DLG1: variants seen among roughly 807,000 people sequenced by gnomAD.
DLG1 encodes the protein disks large homolog 1.
Under a neutral mutation model 123.4 loss-of-function variants are expected in DLG1, and 42 were observed. The observed-to-expected ratio is 0.34, with a 90% CI of 0.27 to 0.44. DLG1 has a LOEUF of 0.44. DLG1 is among the 20% of genes least tolerant of loss of function. The probability of loss-of-function intolerance (pLI) is 1.00; values close to 1 mark genes in which losing one functional copy is unlikely to be tolerated. For missense variants in DLG1, 942 were observed against 1,082.6 expected (o/e 0.87, Z 1.82); for synonymous variants, 317 against 356.2 (o/e 0.89, Z 1.24).
intron 5 of DLG1, among the ~76,000 whole-genome samples, chr3:197,159,876 C>A (rs1489491548): frequency 6.6e-6 from 1 of 152,010 alleles, no homozygotes; most frequent in Non-Finnish European, 1.5e-5. Context: ...TTTAAAAAAA[C>A]AAAACAAAAC....
intron 4 of DLG1, among the ~76,000 whole-genome samples, chr3:197,278,306 A>AG (rs1256502136): frequency 4.0e-4 from 60 of 149,520 alleles, no homozygotes; most frequent in African/African-American, 1.5e-3. Flanking sequence ...AAAAAAAAAA[A>AG]AAAAAGAAAT....
chr3:197,158,134 C>T (rs558383484), intron 5 of DLG1, among the ~76,000 whole-genome samples: 25 of 152,216 alleles, frequency 1.6e-4, no homozygotes, highest in Admixed American at 1.3e-3. Flanking sequence ...GGAACTCATA[C>T]AGACATTTTC....
intron 5 of DLG1, among the ~76,000 whole-genome samples, chr3:197,154,319 C>CA (rs1387244705): frequency 2.0e-5 from 3 of 150,836 alleles, no homozygotes; most frequent in Non-Finnish European, 3.0e-5. Flanking sequence ...AAAACAAAAC[C>CA]AAAAAACCAA....
chr3:197,233,988 C>A (rs1744639404), intron 4 of DLG1, among the ~76,000 whole-genome samples: 1 of 152,188 alleles, frequency 6.6e-6, no homozygotes, highest in South Asian at 2.1e-4. Context: ...CATAAAACTT[C>A]TTTGAAACAG....
At chr3:197,149,090 G>A (rs987345354) in intron 6 of DLG1, among the ~76,000 whole-genome samples, 4 of 152,016 alleles carry the variant, frequency 2.6e-5, no homozygotes, top group South Asian at 2.1e-4. Flanking sequence ...CCTTTTTAAA[G>A]TATGCAATTC....
intron 23 of DLG1, among the ~76,000 whole-genome samples, chr3:197,054,985 T>G (rs1730656842): frequency 6.6e-6 from 1 of 152,052 alleles, no homozygotes; most frequent in Non-Finnish European, 1.5e-5. Flanking sequence ...CCAGCTAATT[T>G]TGTATTTTTA....
intron 24 of DLG1, among the ~76,000 whole-genome samples, chr3:197,047,593 C>CT (rs1233753177): frequency 0.014 from 1,997 of 143,438 alleles, 29 homozygotes; most frequent in African/African-American, 0.037. Context: ...TTGCTACCTA[C>CT]TTTTTTTTTT....
At chr3:197,096,817 A>C (rs1760893762) in intron 14 of DLG1, among the ~76,000 whole-genome samples, 1 of 152,208 alleles carries the variant, frequency 6.6e-6, no homozygotes, top group Non-Finnish European at 1.5e-5. Flanking sequence ...TCTTTCTGGT[A>C]CAGCTTGACT....
chr3:197,093,976 C>T (rs1399024598), intron 14 of DLG1, among the ~76,000 whole-genome samples: 1 of 152,116 alleles, frequency 6.6e-6, no homozygotes, highest in Non-Finnish European at 1.5e-5. Flanking sequence ...TTAGAAGAGG[C>T]CATGAAGCTT....
At chr3:197,057,480 C>T (rs548470938) in intron 23 of DLG1, among the ~76,000 whole-genome samples, 1 of 152,322 alleles carries the variant, frequency 6.6e-6, no homozygotes, top group Admixed American at 6.5e-5. Context: ...AATATGACTT[C>T]TGGGTCATAA....
At chr3:197,226,602 C>G (rs1329710031) in intron 4 of DLG1, among the ~76,000 whole-genome samples, 1 of 152,080 alleles carries the variant, frequency 6.6e-6, no homozygotes, top group Non-Finnish European at 1.5e-5. Flanking sequence ...ACAATTCAAG[C>G]AACAACAACA....
Position 197,194,450 on chromosome 3 carries a change from G to A in DLG1, c.458C>T (p.Ser153Phe). The part of the protein sequence containing the change: ...SEIENVHGFV[S>F]HSHISPIKAN... ...CTTTATTGGTGAAATATGAGAATGA[G>A]AAACAAATCCATGGACATTCTCAAT... The change falls in exon 5 of 25, where the codon TCT becomes TTT. Residue 153 changes from serine to phenylalanine, a missense_variant. Ser to Phe is a radical substitution (Grantham distance 155, BLOSUM62 -2). Transcript: ENST00000667157. 2 of 1,594,760 alleles carry A rather than the reference G, an allele frequency of 1.3e-6. No homozygotes were observed. The highest frequency in any genetic ancestry group is 2.3e-5 in the East Asian group (1 of 44,252).
chr3:197,277,456 T>G (rs1276819946), intron 4 of DLG1, among the ~76,000 whole-genome samples: 1 of 152,132 alleles, frequency 6.6e-6, no homozygotes, highest in Non-Finnish European at 1.5e-5. Context: ...TTCTCACGTC[T>G]CTGCCTCCCA....
At chr3:197,297,105 C>G in intron 2 of DLG1, 81 bp downstream of exon 2, 1 of 1,495,676 alleles carries the variant, frequency 6.7e-7, no homozygotes, top group South Asian at 1.1e-5. Context: ...GTTACACAAA[C>G]GATTCTAAAA....
At chr3:197,287,132 A>C (rs755916844) in intron 3 of DLG1, among the ~76,000 whole-genome samples, 7 of 152,080 alleles carry the variant, frequency 4.6e-5, no homozygotes, top group Admixed American at 1.3e-4. Flanking sequence ...GGCCTCCCAA[A>C]ATGTTGGGAT....
At chr3:197,247,739 G>C (rs1038154475) in intron 4 of DLG1, among the ~76,000 whole-genome samples, 10 of 152,120 alleles carry the variant, frequency 6.6e-5, no homozygotes, top group African/African-American at 2.4e-4. Context: ...TGAGACCTAA[G>C]GGACTATTAA....
At chr3:197,169,653 C>CT (rs553555294) in intron 5 of DLG1, among the ~76,000 whole-genome samples, 1 of 152,150 alleles carries the variant, frequency 6.6e-6, no homozygotes, top group Non-Finnish European at 1.5e-5. Flanking sequence ...GATAAATGAA[C>CT]ATACTATCTG....
chr3:197,128,927 C>T (rs563604429), intron 11 of DLG1, among the ~76,000 whole-genome samples: 13 of 152,134 alleles, frequency 8.5e-5, no homozygotes, highest in Admixed American at 5.2e-4. Flanking sequence ...TGCTGTCATT[C>T]AGGCTTTGTT....
chr3:197,069,142 T>C, intron 19 of DLG1, 77 bp downstream of exon 19: 3 of 924,508 alleles, frequency 3.2e-6, no homozygotes, highest in Non-Finnish European at 4.8e-6. Flanking sequence ...TTATAACATA[T>C]CACTCAGAAT....
Sources: allele counts gnomAD v4.1 joint callset (sites outside exome capture counted in the v4.1 genomes callset), GRCh38; gene constraint gnomAD v4.1.1; transcripts MANE v1.5; gene names NCBI Gene and HGNC (gene_info 2026-07-23, HGNC 2026-07-21).